RABGEF1: variants seen among roughly 807,000 people sequenced by gnomAD.
RABGEF1 encodes the protein RAB guanine nucleotide exchange factor 1.
In RABGEF1, 26 loss-of-function variants were observed where a neutral mutation model predicts 57.3. That is an observed-to-expected ratio of 0.45 (90% confidence interval 0.33 to 0.63). The LOEUF (loss-of-function observed/expected upper bound fraction) is 0.63, where lower values mean the gene tolerates loss of function less well. Among genes scored for constraint, RABGEF1 ranks in the 20% least tolerant of loss-of-function variants. The pLI is 0.02. For missense variants in RABGEF1, 464 were observed against 607.6 expected (o/e 0.76, Z 2.48); for synonymous variants, 185 against 210.7 (o/e 0.88, Z 1.06).
chr7:66,655,707 A>G, the RABGEF1 span, among the ~76,000 whole-genome samples: 23 of 152,308 alleles, frequency 1.5e-4, no homozygotes, highest in Admixed American at 1.2e-3. Context: ...AAATTGTTGT[A>G]CCAAGAAACT....
intron 1 of RABGEF1, chr7:66,768,886 A>G (rs539607407): frequency 6.6e-6 from 1 of 152,168 alleles, no homozygotes; most frequent in Admixed American, 6.5e-5. Context: ...CTGCCTGCAC[A>G]TTTGAGACCA....
In RABGEF1 at chr7:66,783,705, C is replaced by T. The variant is rs565830156; in HGVS notation, c.377C>T (p.Ser126Phe). 2.5e-6 allele frequency: 4 copies of T among 1,610,852 alleles called. No individual in the cohort carries two copies. In the South Asian group the frequency reaches 4.4e-5, roughly 18 times the overall value. ...CAGGAAGCAAAAGCTCCCAGTCCTTCCATAAACCGGCAAACCAGCATTGAA... is the reference window on the plus strand; with the variant it reads ...CAGGAAGCAAAAGCTCCCAGTCCTTTCATAAACCGGCAAACCAGCATTGAA... ...EIQEAKAPSP[S>F]INRQTSIETD... is the part of the protein sequence containing the mutation. Residue 126 changes from serine (S) to phenylalanine (F), a missense_variant, in exon 4 of 9, where the codon TCC becomes TTC. By Grantham distance (155) the Ser-to-Phe change is radical. Coordinates refer to ENST00000284957, the MANE Select transcript of RABGEF1 (RefSeq NM_014504.3).
intron 3 of RABGEF1, among the ~76,000 whole-genome samples, 172 bp downstream of exon 3, chr7:66,775,565 C>A (rs531695291): frequency 1.3e-5 from 2 of 152,292 alleles, no homozygotes; most frequent in African/African-American, 4.8e-5. Flanking sequence ...TCAATACTCT[C>A]TTTGGTTGAA....
Position 66,809,205 on chromosome 7 carries a change from C to T in RABGEF1, c.1397C>T (p.Pro466Leu), listed in dbSNP as rs142344404. ...YPLEIKPPNQ[P>L]LAAIDSENVE... ...CTGGAAATTAAGCCTCCGAATCAAC[C>T]GTTAGCAGCTATTGACTCTGAAAAC... The change falls in exon 9 of 9, where the codon CCG becomes CTG. Residue 466 changes from proline (P) to leucine (L), a missense_variant. Physicochemically the swap from Pro to Leu is moderately conservative, Grantham distance 98 (BLOSUM62 -3). Coordinates refer to ENST00000284957, the MANE Select transcript of RABGEF1 (RefSeq NM_014504.3). The T allele has an allele frequency of 5.1e-5, 83 of 1,614,110 alleles. No individual in the cohort carries two copies. The African/African-American group carries it at 9.5e-4, about 18-fold the overall frequency.
chr7:66,722,285 C>A (rs1019741502), intron 2 of RABGEF1, among the ~76,000 whole-genome samples: 27 of 152,052 alleles, frequency 1.8e-4, no homozygotes, highest in African/African-American at 6.3e-4. Context: ...ACTAAAAATA[C>A]AAAAATTAGC....
At chr7:66,746,817 A>AGTTTCAGC (rs1800364970) in intron 1 of RABGEF1, among the ~76,000 whole-genome samples, 1 of 147,554 alleles carries the variant, frequency 6.8e-6, no homozygotes, top group Non-Finnish European at 1.5e-5. Flanking sequence ...AGTGAGACTG[A>AGTTTCAGC]GTTTCAGCCT....
intron 1 of RABGEF1, among the ~76,000 whole-genome samples, chr7:66,684,738 C>T (rs976738960): frequency 1.1e-4 from 17 of 152,098 alleles, no homozygotes; most frequent in Admixed American, 1.1e-3. Flanking sequence ...GGGTTCATGC[C>T]ATTCTCCTGC....
intron 2 of RABGEF1, among the ~76,000 whole-genome samples, chr7:66,735,166 C>T (rs1056977487): frequency 6.6e-6 from 1 of 152,046 alleles, no homozygotes; most frequent in African/African-American, 2.4e-5. Context: ...TAATTTCCTC[C>T]CCCCTCAAAT....
chr7:66,756,629 A>G (rs1167003573), intron 1 of RABGEF1, among the ~76,000 whole-genome samples: 2 of 152,114 alleles, frequency 1.3e-5, no homozygotes, highest in African/African-American at 4.8e-5. Context: ...AAAACTAGCT[A>G]GATGTTTCAG....
intron 4 of RABGEF1, 79 bp from the exon 5 acceptor site, chr7:66,795,432 T>C: frequency 7.9e-7 from 1 of 1,260,032 alleles, no homozygotes; most frequent in Non-Finnish European, 1.2e-6. Flanking sequence ...GGAATGGCTT[T>C]TGGAAAGTTC....
At chr7:66,708,762 T>C (rs1794429917) in intron 1 of RABGEF1, among the ~76,000 whole-genome samples, 1 of 152,034 alleles carries the variant, frequency 6.6e-6, no homozygotes, top group Non-Finnish European at 1.5e-5. Context: ...CAGTGAGGTA[T>C]GATTGTACCA....
the RABGEF1 span, among the ~76,000 whole-genome samples, chr7:66,670,343 C>T: frequency 6.6e-6 from 1 of 151,050 alleles, no homozygotes; most frequent in Non-Finnish European, 1.5e-5. Flanking sequence ...GATGGAGTCT[C>T]ATGCTGTCAC....
At chr7:66,696,022 G>A (rs1792277366) in intron 1 of RABGEF1, among the ~76,000 whole-genome samples, 1 of 151,826 alleles carries the variant, frequency 6.6e-6, no homozygotes, top group Non-Finnish European at 1.5e-5. Context: ...GGGAGAGACA[G>A]AGCTGGGTGG....
chr7:66,716,122 T>G (rs975620515), intron 2 of RABGEF1, among the ~76,000 whole-genome samples: 2 of 152,258 alleles, frequency 1.3e-5, no homozygotes, highest in Admixed American at 1.3e-4. Context: ...TTTTTAGATG[T>G]GTACACATTT....
intron 1 of RABGEF1, among the ~76,000 whole-genome samples, chr7:66,696,271 C>A (rs959857055): frequency 2.0e-5 from 3 of 151,794 alleles, no homozygotes; most frequent in Admixed American, 6.6e-5. Context: ...TACCATGTTG[C>A]CCAGGCTAGT....
intron 1 of RABGEF1, among the ~76,000 whole-genome samples, chr7:66,744,150 C>T (rs951808671): frequency 6.6e-6 from 1 of 151,690 alleles, no homozygotes; most frequent in Non-Finnish European, 1.5e-5. Flanking sequence ...ATTTGTGTGC[C>T]TCAGCCTTCT....
Position 66,747,138 on chromosome 7 carries a change from G to A in RABGEF1, c.-18+6346G>A, listed in dbSNP as rs561251144. ...TGTTTCTGGTAGCATAGCTCTCTTG[G>A]CAATGGTCATTAAGAGGGCCAAATA... is the stretch of plus-strand genomic sequence containing the variant. On this transcript the variant is annotated intron_variant, in intron 1 of 8. Coordinates refer to ENST00000284957, the MANE Select transcript of RABGEF1 (RefSeq NM_014504.3). Among the ~76,000 whole-genome samples, 4 of 152,162 alleles carry A rather than the reference G, an allele frequency of 2.6e-5. No homozygotes were observed. In the South Asian group the frequency reaches 8.3e-4, roughly 32 times the overall value.
At chr7:66,744,335 C>A (rs1196380580) in intron 1 of RABGEF1, among the ~76,000 whole-genome samples, 1 of 150,338 alleles carries the variant, frequency 6.7e-6, no homozygotes, top group Non-Finnish European at 1.5e-5. Context: ...GGGTTGGAGA[C>A]CAGCCTGGGC....
chr7:66,701,091 CTG>C (rs59580178), intron 1 of RABGEF1, among the ~76,000 whole-genome samples: 51,615 of 151,820 alleles, frequency 0.34, 9,143 homozygotes, highest in Middle Eastern at 0.49. Context: ...GGGGTGGGGA[CTG>C]TTTGTGAGCA....
Sources: allele counts gnomAD v4.1 joint callset (sites outside exome capture counted in the v4.1 genomes callset), GRCh38; gene constraint gnomAD v4.1.1; transcripts MANE v1.5; gene names NCBI Gene and HGNC (gene_info 2026-07-23, HGNC 2026-07-21).